Variants in PHEX observed in about 807,000 individuals in gnomAD.
PHEX encodes phosphate regulating endopeptidase X-linked.
A neutral mutation model predicts 68.0 loss-of-function variants in PHEX; 16 were observed. The ratio of observed to expected loss-of-function variants is 0.24; its 90% CI spans 0.16 to 0.36. The LOEUF (loss-of-function observed/expected upper bound fraction) is 0.36. Ranked by LOEUF, PHEX falls within the 10% of genes least tolerant of loss-of-function variation. The pLI is 1.00. For missense variants in PHEX, 480 were observed against 575.5 expected (o/e 0.83, Z 1.70); for synonymous variants, 208 against 205.1 (o/e 1.01, Z -0.12).
At chrX:22,153,040 G>A (rs1194426414) in intron 12 of PHEX, among the ~76,000 whole-genome samples, 1 of 107,480 alleles carries the variant, frequency 9.3e-6, no homozygotes, top group Non-Finnish European at 1.9e-5. Context: ...CACCTAGGCT[G>A]GAGTGCAGTG....
intron 13 of PHEX, chrX:22,169,850 T>G (rs1933462921): frequency 8.9e-6 from 1 of 112,859 alleles, no homozygotes; most frequent in South Asian, 3.6e-4. Context: ...TTTGGTTATC[T>G]GGCTACTGGA....
At chrX:22,136,872 G>A (rs1220786817) in intron 12 of PHEX, among the ~76,000 whole-genome samples, 1 of 110,094 alleles carries the variant, frequency 9.1e-6, no homozygotes, top group Non-Finnish European at 1.9e-5. Flanking sequence ...TCTCTTAAGA[G>A]GTCACGAGTA....
chrX:22,188,046 C>G (rs1230989146), intron 14 of PHEX, among the ~76,000 whole-genome samples: 1 of 111,449 alleles, frequency 9.0e-6, no homozygotes, highest in Admixed American at 9.5e-5. Flanking sequence ...TGAATGTTAG[C>G]TAAATATAAT....
At chrX:22,229,442 C>T (rs1277826000) in intron 20 of PHEX, among the ~76,000 whole-genome samples, 1 of 112,109 alleles carries the variant, frequency 8.9e-6, no homozygotes, top group East Asian at 2.8e-4. Flanking sequence ...TTCTAACAGG[C>T]ATGAGATGGT....
intron 10 of PHEX, among the ~76,000 whole-genome samples, chrX:22,113,003 TTTTGTGTGTGTGTG>T (rs1459517391): frequency 8.1e-5 from 7 of 86,135 alleles, no homozygotes; most frequent in African/African-American, 2.7e-4. Context: ...AACAAGTAGG[TTTTGTGTGTGTGTG>T]TGTGTGTGTG....
chrX:22,118,223 G>T (rs2147069490), intron 11 of PHEX, among the ~76,000 whole-genome samples: 2 of 103,810 alleles, frequency 1.9e-5, no homozygotes, highest in East Asian at 3.0e-4. Context: ...AGTTGTGTTT[G>T]GGGTAGGACC....
intron 3 of PHEX, among the ~76,000 whole-genome samples, chrX:22,048,765 G>A (rs1199275796): frequency 9.0e-6 from 1 of 111,639 alleles, no homozygotes; most frequent in Non-Finnish European, 1.9e-5. Flanking sequence ...TAAGCACAGG[G>A]TTTTTGTATT....
intron 3 of PHEX, among the ~76,000 whole-genome samples, chrX:22,048,797 C>A (rs940729900): frequency 9.0e-6 from 1 of 111,098 alleles, no homozygotes; most frequent in Admixed American, 9.6e-5. Context: ...TTTTAAAAAT[C>A]AAAAATTTTA....
intron 11 of PHEX, among the ~76,000 whole-genome samples, chrX:22,128,151 C>T (rs780506800): frequency 3.6e-5 from 4 of 110,593 alleles, no homozygotes; most frequent in Middle Eastern, 4.2e-3. Context: ...CTCCGCCTCG[C>T]GGGTTCAAGC....
At position 22,248,825 on chromosome X, in the gene PHEX, C is replaced by G. The variant is rs376254574; in HGVS notation, c.*872C>G. 1 of 110,904 alleles carries G rather than the reference C, an allele frequency of 9.0e-6. No individual in the cohort carries two copies. The highest frequency in any genetic ancestry group is 2.8e-4 in the East Asian group (1 of 3,527). 9.1% of individuals were successfully genotyped at this position (110,904 alleles called of 1,213,427 possible). A position where few individuals can be genotyped will look rare whatever the true frequency, so the allele number is the denominator to read the frequency against. ...ACTTTTTTTTAGCCTAATTCTTGTT[C>G]GTTTCATTACCTTCATATGTGTGCA... On this transcript the variant is annotated 3_prime_UTR_variant, in exon 22 of 22. Transcript: ENST00000379374.
At chrX:22,111,967 A>C (rs1930992188) in intron 10 of PHEX, among the ~76,000 whole-genome samples, 1 of 112,044 alleles carries the variant, frequency 8.9e-6, no homozygotes, top group Non-Finnish European at 1.9e-5. Flanking sequence ...TAAAATGTGC[A>C]TGATAGAGAT....
intron 18 of PHEX, 31 bp from the exon 19 acceptor site, chrX:22,226,412 T>TTTA (rs60807057): frequency 4.1e-6 from 1 of 244,538 alleles, no homozygotes; most frequent in African/African-American, 5.9e-5. Context: ...CACGCATTCA[T>TTTA]TTTTTTTTTT....
chrX:22,148,135 G>A (rs1399961920), intron 12 of PHEX, among the ~76,000 whole-genome samples: 1 of 111,163 alleles, frequency 9.0e-6, no homozygotes, highest in Non-Finnish European at 1.9e-5. Flanking sequence ...CTCCTCTGCT[G>A]GTTTCACCTG....
At chrX:22,143,539 C>G (rs767529427) in intron 12 of PHEX, among the ~76,000 whole-genome samples, 1 of 112,567 alleles carries the variant, frequency 8.9e-6, no homozygotes, top group South Asian at 3.7e-4. Flanking sequence ...CCAAAGGACA[C>G]TTTGTACCCA....
rs1388249386 is a variant in PHEX at position 22,114,514 on chromosome X, T to G, written c.1230T>G (p.Ile410Met). The change falls in exon 11 of 22, where the codon ATT becomes ATG. Residue 410 changes from isoleucine to methionine, a missense_variant. By Grantham distance (10) the Ile-to-Met change is conservative (BLOSUM62 1). Transcript: ENST00000379374. ...AATGGGACAAATGTGTAAACTTTAT[T>G]GAAAGTGCCCTCCCTTATGTTGTTG... The part of the protein sequence containing the change: ...LPQWDKCVNF[I>M]ESALPYVVGK... 1.9e-5 allele frequency: 23 copies of G among 1,190,053 alleles called. No individual in the cohort carries two copies. In the Admixed American group the frequency reaches 5.0e-4, roughly 26 times the overall value.
intron 12 of PHEX, among the ~76,000 whole-genome samples, chrX:22,155,163 C>T (rs1357581316): frequency 8.9e-6 from 1 of 112,714 alleles, no homozygotes; most frequent in Admixed American, 9.3e-5. Flanking sequence ...CCACCCGCCT[C>T]GACCTCCCAA....
chrX:22,075,042 A>G (rs1929085705), intron 3 of PHEX, among the ~76,000 whole-genome samples: 1 of 101,419 alleles, frequency 9.9e-6, no homozygotes, highest in African/African-American at 3.7e-5. Flanking sequence ...CTGCCACTGC[A>G]CTCCAGCTTG....
intron 20 of PHEX, among the ~76,000 whole-genome samples, chrX:22,232,233 G>GAATATATATTCTATT (rs1422096886): frequency 9.0e-6 from 1 of 111,557 alleles, no homozygotes; most frequent in African/African-American, 3.3e-5. Context: ...GAGGTGCTGA[G>GAATATATATTCTATT]AATATATATT....
intron 15 of PHEX, 131 bp downstream of exon 15, chrX:22,190,633 G>T: frequency 1.8e-6 from 1 of 547,423 alleles, no homozygotes; most frequent in Non-Finnish European, 3.3e-6. Context: ...AAGGAAGGTT[G>T]TTCTCCTACC....
Sources: gnomAD v4.1 joint callset for allele counts (sites outside exome capture counted in the v4.1 genomes callset) on GRCh38, gnomAD v4.1.1 for gene constraint, MANE v1.5 for transcripts, NCBI Gene and HGNC (gene_info 2026-07-23, HGNC 2026-07-21) for gene names.